DRC2: variants seen among roughly 807,000 people sequenced by gnomAD.
DRC2 encodes the protein coiled-coil domain containing 65.
chr12:48,906,818 G>A, the DRC2 span, among the ~76,000 whole-genome samples: 3,322 of 146,122 alleles, frequency 0.023, 127 homozygotes, highest in African/African-American at 0.078. Flanking sequence ...CACCTGCCTC[G>A]GCCTCCCAAA....
chr12:48,916,222 T>G, the DRC2 span, among the ~76,000 whole-genome samples: 95 of 152,010 alleles, frequency 6.2e-4, no homozygotes, highest in African/African-American at 2.1e-3. Context: ...GGCTGCAATC[T>G]CGGCACTTCG....
the DRC2 span, chr12:48,918,758 GT>G: frequency 1.9e-6 from 3 of 1,614,078 alleles, no homozygotes; most frequent in Non-Finnish European, 2.5e-6. Context: ...CGGTATATCC[GT>G]AATGACAAGG....
chr12:48,910,062 G>A, the DRC2 span, among the ~76,000 whole-genome samples: 1 of 152,176 alleles, frequency 6.6e-6, no homozygotes, highest in Non-Finnish European at 1.5e-5. Flanking sequence ...TTACAGGAGT[G>A]AGCCACCATG....
At chr12:48,904,948 C>A in the DRC2 span, 89 of 1,596,326 alleles carry the variant, frequency 5.6e-5, no homozygotes, top group Non-Finnish European at 6.9e-5. Flanking sequence ...TCACACAGGA[C>A]AAGCTGGCCA....
At chr12:48,920,754 A>G in the DRC2 span, among the ~76,000 whole-genome samples, 3 of 152,188 alleles carry the variant, frequency 2.0e-5, no homozygotes, top group East Asian at 3.9e-4. Context: ...TTTTACAATA[A>G]GAAAATACTT....
At chr12:48,908,400 A>T in the DRC2 span, among the ~76,000 whole-genome samples, 1 of 151,770 alleles carries the variant, frequency 6.6e-6, no homozygotes, top group Admixed American at 6.6e-5. Flanking sequence ...TAAGTGTTGT[A>T]TAAGTCGTCT....
the DRC2 span, chr12:48,914,614 G>T: frequency 6.3e-7 from 1 of 1,593,686 alleles, no homozygotes; most frequent in Non-Finnish European, 8.6e-7. Context: ...GAATCCAGGG[G>T]AGTGCCCAGA....
chr12:48,908,153 G>A, the DRC2 span, among the ~76,000 whole-genome samples: 3 of 152,002 alleles, frequency 2.0e-5, no homozygotes, highest in Non-Finnish European at 2.9e-5. Flanking sequence ...TGTTGCCCAG[G>A]CTGATCCTCC....
the DRC2 span, chr12:48,914,397 G>A: frequency 3.8e-6 from 6 of 1,595,594 alleles, no homozygotes; most frequent in South Asian, 6.7e-5. Context: ...CTCTCTTTCT[G>A]GCCTAGTCTT....
chr12:48,905,091 A>G, the DRC2 span: 1 of 1,611,454 alleles, frequency 6.2e-7, no homozygotes, highest in South Asian at 1.1e-5. Flanking sequence ...CGAGTGGTGG[A>G]CTGTAAGGAC....
At chr12:48,906,855 C>T in the DRC2 span, among the ~76,000 whole-genome samples, 12 of 151,790 alleles carry the variant, frequency 7.9e-5, no homozygotes, top group African/African-American at 2.4e-4. Context: ...CGTTAGCCAC[C>T]GCGCCCAGCC....
At chr12:48,920,057 G>A in the DRC2 span, among the ~76,000 whole-genome samples, 1 of 140,484 alleles carries the variant, frequency 7.1e-6, no homozygotes, top group Non-Finnish European at 1.5e-5. Flanking sequence ...CGGCTGCAGT[G>A]AGCCAGGATT....
the DRC2 span, chr12:48,904,513 C>T: frequency 1.3e-5 from 21 of 1,579,616 alleles, no homozygotes; most frequent in Non-Finnish European, 1.8e-5. Flanking sequence ...CATCCACCCC[C>T]TGCCCTGGCC....
At chr12:48,921,488 T>C in the DRC2 span, 1 of 1,535,130 alleles carries the variant, frequency 6.5e-7, no homozygotes, top group South Asian at 1.3e-5. Context: ...ACCTGTGATC[T>C]AAGGAAAAAA....
the DRC2 span, among the ~76,000 whole-genome samples, chr12:48,919,702 G>A: frequency 1.7e-3 from 262 of 151,934 alleles, 2 homozygotes; most frequent in South Asian, 0.019. Context: ...ATTTTTAGTG[G>A]AGACAGGGTT....
chr12:48,921,168 G>A, the DRC2 span: 1 of 1,613,636 alleles, frequency 6.2e-7, no homozygotes, highest in Non-Finnish European at 8.5e-7. Context: ...CCACTCCCAG[G>A]TGATGGTGGA....
the DRC2 span, chr12:48,921,490 A>G: frequency 1.9e-5 from 29 of 1,538,362 alleles, no homozygotes; most frequent in Non-Finnish European, 2.6e-6. Context: ...CTGTGATCTA[A>G]GGAAAAAAAT....
chr12:48,917,228 A>G, the DRC2 span: 1 of 1,139,964 alleles, frequency 8.8e-7, no homozygotes, highest in Non-Finnish European at 1.3e-6. Context: ...AGGCAGGAGG[A>G]TCACTTGAGA....
chr12:48,909,465 A>ATTATTT, the DRC2 span, among the ~76,000 whole-genome samples: 1 of 151,656 alleles, frequency 6.6e-6, no homozygotes, highest in Non-Finnish European at 1.5e-5. Context: ...AAACTTTCTT[A>ATTATTT]TTATTTTTAT....
Sources: allele counts gnomAD v4.1 joint callset (sites outside exome capture counted in the v4.1 genomes callset), GRCh38; gene constraint gnomAD v4.1.1; transcripts MANE v1.5; gene names NCBI Gene and HGNC (gene_info 2026-07-23, HGNC 2026-07-21).